The following MYH14 variants were observed in gnomAD, a reference collection of about 807,000 sequenced individuals.
MYH14 encodes the protein myosin-14.
Under a neutral mutation model 255.5 loss-of-function variants are expected in MYH14, and 123 were observed. The ratio of observed to expected loss-of-function variants is 0.48; its 90% CI spans 0.42 to 0.56. MYH14 has a LOEUF of 0.56. Ranked by LOEUF, MYH14 falls within the 20% of genes least tolerant of loss-of-function variation. The pLI is 0.00. For synonymous variants in MYH14, 1,095 were observed against 1,161.2 expected, an observed-to-expected ratio of 0.94 and a Z score of 1.16; for missense variants, 2,423 against 2,802.3, an observed-to-expected ratio of 0.86 and a Z score of 3.06.
chr19:50,292,441 G>A (rs1601041371), intron 37 of MYH14, 52 bp downstream of exon 37: 2 of 1,499,624 alleles, frequency 1.3e-6, no homozygotes, highest in East Asian at 2.7e-5. Context: ...AGGTGGGCAA[G>A]GCTAACCTTG....
rs2123407746 is a variant in MYH14 at position 50,276,798 on chromosome 19, TGGA to T, written c.3730_3732del (p.Glu1244del). The T allele has an allele frequency of 6.2e-7, 1 of 1,613,254 alleles. No individual in the cohort carries two copies. The highest frequency in any genetic ancestry group is 2.2e-5 in the East Asian group (1 of 44,872). ...GAGGTGACGGAGCTGAAGAAGACTC[TGGA>T]GGAGGAGACTCGCATCCACGAGGCG... On this transcript the variant is annotated inframe_deletion, in exon 29 of 43. Transcript: ENST00000642316. This position sits in a 1 kb window ranked among gnomAD's most constrained non-coding sequence, Gnocchi z 4.3.
intron 11 of MYH14, among the ~76,000 whole-genome samples, chr19:50,246,113 TTCCTTCCTTCCTTCCTTCCC>T (rs1277806760): frequency 2.5e-5 from 3 of 121,150 alleles, no homozygotes; most frequent in East Asian, 3.2e-4. Context: ...CCTTCCTTTC[TTCCTTCCTTCCTTCCTTCCC>T]TCCTTCCTTC....
rs779215539 is a variant in MYH14, at chr19:50,225,619, C to A, written c.752C>A (p.Pro251His). 34 of 1,613,590 alleles carry A rather than the reference C, an allele frequency of 2.1e-5. No homozygotes were observed. The highest frequency in any genetic ancestry group is 2.9e-5 in the Non-Finnish European group (34 of 1,179,888). The stretch of plus-strand genomic sequence containing the variant: ...GAGCGGCAGCTGCTTCAGGCCAACC[C>A]CATCCTAGAGGCCTTTGGCAATGCC... ...ELERQLLQANPILEAFGNAKT... is the reference protein window; with the variant it reads ...ELERQLLQANHILEAFGNAKT... The change falls in exon 7 of 43, where the codon CCC (proline) becomes CAC (histidine). Residue 251 changes from proline to histidine, a missense_variant. Around this residue, in one of 3 missense-constraint regions of MYH14, gnomAD observed 672 missense variants for 881.8 expected, o/e 0.76. Coordinates refer to ENST00000642316, the MANE Select transcript of MYH14 (RefSeq NM_001145809.2).
chr19:50,237,668 G>C (rs1035074692), intron 10 of MYH14, among the ~76,000 whole-genome samples: 1 of 152,120 alleles, frequency 6.6e-6, no homozygotes. Flanking sequence ...CCTCGTCGCT[G>C]TCCACAGGGT....
rs1250319623 is a variant in MYH14 at position 50,257,502 on chromosome 19, T to C, written c.2232+16T>C. On this transcript the variant is annotated intron_variant, in intron 18 of 42. Transcript: ENST00000642316. ...CGAGAAGAGGGTGAGTGACTCAGCC[T>C]GGGGAGGAAGGGGTGGCTGTGGCTG... 7.6e-6 allele frequency: 12 copies of C among 1,588,268 alleles called. No individual in the cohort carries two copies. Among genetic ancestry groups the C allele is most frequent in the Non-Finnish European group, 1.0e-5 (12 of 1,166,744 alleles).
Position 50,250,728 on chromosome 19 carries a change from G to T in MYH14, c.1830+40G>T. 1.3e-6 allele frequency: 2 copies of T among 1,577,226 alleles called. No individual in the cohort carries two copies. Among genetic ancestry groups the T allele is most frequent in the Middle Eastern group, 1.7e-4 (1 of 5,818 alleles). ...CGGCCTTGGGGCATGTGGGAGTGGG[G>T]ATCAAGGGATCTCCACTGGCTACAG... is the stretch of plus-strand genomic sequence containing the variant. On this transcript the variant is annotated intron_variant, in intron 15 of 42. Coordinates refer to ENST00000642316, the MANE Select transcript of MYH14 (RefSeq NM_001145809.2). The surrounding 1 kb of genome is among the most constrained non-coding windows in gnomAD (Gnocchi z 5.4).
rs1480645094 is a variant in MYH14, at chr19:50,281,641, G to A, written c.4338G>A (p.Glu1446=). The change falls in exon 33 of 43, where the codon GAG becomes GAA. Residue 1446 remains glutamate, a synonymous_variant. Transcript: ENST00000642316. ...RRQEEEAGAL[E]AGEEARRRAA... ...AGGAGGAGGAGGCAGGGGCACTGGA[G>A]GCAGGGGAGGAGGCACGGCGCCGGG... 5 of 1,606,852 alleles carry A rather than the reference G, an allele frequency of 3.1e-6. No homozygotes were observed. The highest frequency in any genetic ancestry group is 1.1e-5 in the South Asian group (1 of 90,662).
intron 2 of MYH14, among the ~76,000 whole-genome samples, chr19:50,215,336 T>TG (rs1224556042): frequency 6.6e-6 from 1 of 152,010 alleles, no homozygotes; most frequent in African/African-American, 2.4e-5. Context: ...CTCTGAGAGC[T>TG]GGGGGGAGCT....
intron 19 of MYH14, 33 bp from the exon 20 acceptor site, chr19:50,260,613 T>A (rs1466160653): frequency 6.5e-7 from 1 of 1,549,756 alleles, no homozygotes; most frequent in South Asian, 1.1e-5. Context: ...TTGCTGTAAC[T>A]CTCTCCTCCC....
chr19:50,253,538 C>G (rs2034479978), intron 16 of MYH14, among the ~76,000 whole-genome samples: 1 of 152,068 alleles, frequency 6.6e-6, no homozygotes, highest in African/African-American at 2.4e-5. Flanking sequence ...TTAGGCTTTG[C>G]TTTCTTTGTT....
chr19:50,256,593 C>T (rs1167534650), intron 17 of MYH14, among the ~76,000 whole-genome samples: 1 of 152,124 alleles, frequency 6.6e-6, no homozygotes, highest in African/African-American at 2.4e-5. Flanking sequence ...AGGCTGGCCT[C>T]GAACTCCTGA....
chr19:50,295,005 GTTTTTTTT>G (rs1195396880), intron 39 of MYH14, among the ~76,000 whole-genome samples: 18,258 of 142,982 alleles, frequency 0.13, 1,319 homozygotes, highest in Middle Eastern at 0.21. Flanking sequence ...AAGAGATTAA[GTTTTTTTT>G]TTTTTTTTTT....
chr19:50,234,395 G>A (rs1020510992), intron 10 of MYH14, among the ~76,000 whole-genome samples: 4 of 152,170 alleles, frequency 2.6e-5, no homozygotes, highest in Non-Finnish European at 4.4e-5. Flanking sequence ...AGCCAGGGCC[G>A]CCTCTGGGTC....
intron 39 of MYH14, among the ~76,000 whole-genome samples, chr19:50,297,813 A>G (rs1184598235): frequency 6.6e-6 from 1 of 151,910 alleles, no homozygotes; most frequent in African/African-American, 2.4e-5. Flanking sequence ...ATCTCCTCTT[A>G]AAAGGACACC....
At position 50,307,081 on chromosome 19, in the gene MYH14, G is replaced by A. The variant is rs1337849543; in HGVS notation, c.5711G>A (p.Arg1904Lys). Residue 1904 changes from arginine to lysine, a missense_variant, in exon 41 of 43, where the codon AGA becomes AAA. Arg to Lys is a conservative substitution (Grantham distance 26). This residue lies in a region of MYH14 where 1,513 missense variants were observed against 1,674.8 expected (regional missense o/e 0.90). Transcript: ENST00000642316. ...ATCCTCTCTGGAAAGCTGGTGCGCA[G>A]AGCTGAGAAGCGGCTTAAAGAGGTG... is the stretch of plus-strand genomic sequence containing the variant. ...ERILSGKLVR[R>K]AEKRLKEVVL... 8 of 1,551,200 alleles carry A rather than the reference G, an allele frequency of 5.2e-6. No homozygotes were observed. The East Asian group carries it at 2.0e-4, about 38-fold the overall frequency.
intron 2 of MYH14, among the ~76,000 whole-genome samples, chr19:50,212,579 C>T (rs1168296733): frequency 6.6e-6 from 1 of 152,182 alleles, no homozygotes; most frequent in Non-Finnish European, 1.5e-5. Context: ...GAGTCATGCT[C>T]CAAACTCTAG....
Position 50,293,129 on chromosome 19 carries a change from G to GA in MYH14, c.5257-98dup. On this transcript the variant is annotated intron_variant, in intron 37 of 42. Transcript: ENST00000642316. The surrounding 1 kb of genome is among the most constrained non-coding windows in gnomAD (Gnocchi z 4.1). ...CCAGGGTTACCCAGGGACAGCATGA[G>GA]AAAAAAGCCAAGAGCCTTGAGGTGT... 1 of 823,446 alleles carries GA rather than the reference G, an allele frequency of 1.2e-6. No individual in the cohort carries two copies. Among genetic ancestry groups the GA allele is most frequent in the East Asian group, 2.7e-5 (1 of 37,598 alleles). The allele number at this position is 823,446 out of a possible 1,614,324, so 51.0% of individuals were successfully genotyped here.
chr19:50,224,033 C>CT, intron 5 of MYH14, 121 bp from the exon 6 acceptor site: 1 of 488,518 alleles, frequency 2.0e-6, no homozygotes, highest in Non-Finnish European at 3.9e-6. Flanking sequence ...TGCCCGGTTT[C>CT]CCCAGTCCCC....
At chr19:50,231,015 C>T (rs773281153) in intron 9 of MYH14, 6 of 255,838 alleles carry the variant, frequency 2.3e-5, no homozygotes, top group Admixed American at 9.9e-5. Context: ...TGTTGCTTCT[C>T]GGCTCGTGCT....
Sources: allele counts gnomAD v4.1 joint callset (sites outside exome capture counted in the v4.1 genomes callset), GRCh38; gene constraint gnomAD v4.1.1; regional missense constraint gnomAD v4.1.1; non-coding constraint Gnocchi (gnomAD v3.1); transcripts MANE v1.5; gene names NCBI Gene and HGNC (gene_info 2026-07-23, HGNC 2026-07-21).